PTPRD: variants seen among roughly 807,000 people sequenced by gnomAD.
PTPRD encodes the protein receptor-type tyrosine-protein phosphatase delta.
Under a neutral mutation model 214.5 loss-of-function variants are expected in PTPRD, and 34 were observed. That is an observed-to-expected ratio of 0.16 (90% CI 0.12 to 0.21). The LOEUF is 0.21. Among genes scored for constraint, PTPRD ranks in the 10% least tolerant of loss-of-function variants. The pLI, the probability that PTPRD is intolerant of heterozygous loss-of-function variation, is 1.00. For synonymous variants in PTPRD, 1,128 were observed against 845.7 expected, an observed-to-expected ratio of 1.33 and a Z score of -5.79; for missense variants, 2,545 against 2,398.7, an observed-to-expected ratio of 1.06 and a Z score of -1.27.
At chr9:10,116,994 A>G (rs1056883379) in intron 3 of PTPRD, among the ~76,000 whole-genome samples, 3 of 152,062 alleles carry the variant, frequency 2.0e-5, no homozygotes, top group Non-Finnish European at 4.4e-5. Flanking sequence ...ACATTCTTCC[A>G]TACAATCTTG....
intron 12 of PTPRD, among the ~76,000 whole-genome samples, chr9:8,654,751 CT>C (rs982765911): frequency 2.0e-5 from 3 of 152,038 alleles, no homozygotes; most frequent in African/African-American, 7.2e-5. Flanking sequence ...AAAAAATAAA[CT>C]TAATACATGA....
At chr9:8,841,904 G>A (rs565065916) in intron 11 of PTPRD, among the ~76,000 whole-genome samples, 181 of 151,898 alleles carry the variant, frequency 1.2e-3, no homozygotes, top group African/African-American at 4.0e-3. Flanking sequence ...CCAGCTACTC[G>A]GGAGGCTGAG....
chr9:9,310,825 G>A (rs568848757), intron 9 of PTPRD, among the ~76,000 whole-genome samples: 44 of 152,132 alleles, frequency 2.9e-4, no homozygotes, highest in Non-Finnish European at 4.6e-4. Flanking sequence ...GGCTGAGGCA[G>A]TAGAATCTCT....
chr9:8,478,535 T>C (rs1053733542), intron 30 of PTPRD, among the ~76,000 whole-genome samples: 2 of 152,220 alleles, frequency 1.3e-5, no homozygotes, highest in African/African-American at 4.8e-5. Flanking sequence ...GTTGTGCATT[T>C]TTTAAATACC....
At chr9:10,500,888 A>T (rs2043471212) in intron 2 of PTPRD, among the ~76,000 whole-genome samples, 1 of 151,822 alleles carries the variant, frequency 6.6e-6, no homozygotes, top group Non-Finnish European at 1.5e-5. Flanking sequence ...TATCATTTTG[A>T]ATAGTGTTCC....
intron 11 of PTPRD, among the ~76,000 whole-genome samples, chr9:8,897,835 C>G (rs1333311260): frequency 6.6e-6 from 1 of 152,178 alleles, no homozygotes; most frequent in Non-Finnish European, 1.5e-5. Flanking sequence ...TGGCACCAAA[C>G]TTCTCTGGCA....
At chr9:9,115,063 A>G (rs1317913745) in intron 10 of PTPRD, among the ~76,000 whole-genome samples, 1 of 152,186 alleles carries the variant, frequency 6.6e-6, no homozygotes, top group Admixed American at 6.5e-5. Context: ...ACTGGAGCTC[A>G]GAAAGATCAC....
At position 9,946,856 on chromosome 9, in the gene PTPRD, T is replaced by C. The variant is rs905611664; in HGVS notation, c.-471-8246A>G. ...AGTAGTTCCACTGAAACTTAAAATA[T>C]GCTTTAATTGAAGTGCAATATTATG... On this transcript the variant is annotated intron_variant, in intron 4 of 45. Transcript: ENST00000381196. 2.0e-5 allele frequency among the ~76,000 whole-genome samples: 3 copies of C among 152,220 alleles called. No homozygotes were observed. The East Asian group carries it at 5.8e-4, about 29-fold the overall frequency.
intron 9 of PTPRD, among the ~76,000 whole-genome samples, chr9:9,325,702 T>A (rs1969697482): frequency 6.6e-6 from 1 of 152,190 alleles, no homozygotes; most frequent in South Asian, 2.1e-4. Flanking sequence ...CCTGCCTGAT[T>A]GCCCTGGCCA....
At chr9:8,782,011 T>C (rs1013452894) in intron 11 of PTPRD, among the ~76,000 whole-genome samples, 1 of 152,010 alleles carries the variant, frequency 6.6e-6, no homozygotes, top group South Asian at 2.1e-4. Flanking sequence ...AAACTGTATA[T>C]ATATTATGCA....
intron 14 of PTPRD, 57 bp downstream of exon 14, chr9:8,633,260 A>G (rs2096310279): frequency 2.5e-6 from 4 of 1,578,198 alleles, no homozygotes; most frequent in East Asian, 2.3e-5. Flanking sequence ...TGATGCTACA[A>G]AAGAGATACA....
At position 10,031,625 on chromosome 9, in the gene PTPRD, C is replaced by CATATAT. The variant is rs1171466919; in HGVS notation, c.-472+2087_-472+2092dup. On this transcript the variant is annotated intron_variant, in intron 4 of 45. Coordinates refer to ENST00000381196, the MANE Select transcript of PTPRD (RefSeq NM_002839.4). Reference sequence around the variant, plus strand: ...TACATTAATAATACTTAAAAAACTCCATATATATATATATATATATATACA... The same window carrying CATATAT: ...TACATTAATAATACTTAAAAAACTCCATATATATATATATATATATATATATATACA... Among the ~76,000 whole-genome samples the CATATAT allele has an allele frequency of 3.5e-3, 302 of 87,356 alleles. 19 individuals are homozygous for CATATAT. The highest frequency in any genetic ancestry group is 0.021 in the African/African-American group (252 of 11,776). 57.3% of individuals were successfully genotyped at this position (87,356 alleles called of 152,430 possible). A position where few individuals can be genotyped will look rare whatever the true frequency, so the allele number is the denominator to read the frequency against.
At chr9:9,320,086 GT>G (rs1965681714) in intron 9 of PTPRD, among the ~76,000 whole-genome samples, 1 of 152,050 alleles carries the variant, frequency 6.6e-6, no homozygotes. Context: ...GAATAATAAT[GT>G]TTTATTTGAA....
chr9:9,259,059 T>A (rs1356980989), intron 9 of PTPRD, among the ~76,000 whole-genome samples: 1 of 151,756 alleles, frequency 6.6e-6, no homozygotes, highest in Non-Finnish European at 1.5e-5. Flanking sequence ...ATTCTAATGT[T>A]CTTGTCTAAG....
At chr9:9,680,062 T>C (rs2097032176) in intron 7 of PTPRD, among the ~76,000 whole-genome samples, 1 of 151,934 alleles carries the variant, frequency 6.6e-6, no homozygotes, top group African/African-American at 2.4e-5. Flanking sequence ...AAGATAAATA[T>C]GGTATCAGGG....
At chr9:10,490,901 T>C (rs2039989101) in intron 2 of PTPRD, among the ~76,000 whole-genome samples, 1 of 152,208 alleles carries the variant, frequency 6.6e-6, no homozygotes, top group South Asian at 2.1e-4. Context: ...ACTGTTTAAA[T>C]TCTGGAAGAA....
At chr9:9,002,102 CCT>C (rs537360769) in intron 11 of PTPRD, among the ~76,000 whole-genome samples, 17 of 151,860 alleles carry the variant, frequency 1.1e-4, no homozygotes, top group Non-Finnish European at 1.9e-4. Flanking sequence ...AGATTTTTTC[CCT>C]GTTTTACAAG....
chr9:9,980,245 G>T, intron 4 of PTPRD, among the ~76,000 whole-genome samples: 1 of 152,056 alleles, frequency 6.6e-6, no homozygotes, highest in East Asian at 1.9e-4. Context: ...ACCAATGAGT[G>T]ATTTTTAATA....
intron 11 of PTPRD, among the ~76,000 whole-genome samples, chr9:8,872,990 A>G (rs967447840): frequency 6.6e-6 from 1 of 152,180 alleles, no homozygotes; most frequent in Admixed American, 6.5e-5. Context: ...TTGAAGTGAG[A>G]ATTATTTTAT....
Sources: gnomAD v4.1 joint callset for allele counts (sites outside exome capture counted in the v4.1 genomes callset) on GRCh38, gnomAD v4.1.1 for gene constraint, MANE v1.5 for transcripts, NCBI Gene and HGNC (gene_info 2026-07-23, HGNC 2026-07-21) for gene names.